NPAT: variants seen among roughly 807,000 people sequenced by gnomAD.
The protein encoded by NPAT is nuclear protein, coactivator of histone transcription, also known as protein NPAT.
NPAT carries 52 observed loss-of-function variants against 130.7 expected under a neutral mutation model. The ratio of observed to expected loss-of-function variants is 0.40; its 90% CI spans 0.32 to 0.50. NPAT has a LOEUF of 0.50. NPAT is among the 20% of genes least tolerant of loss of function. NPAT has a pLI of 0.68. For synonymous variants in NPAT, 580 were observed against 584.8 expected (o/e 0.99, Z 0.12); for missense variants, 1,687 against 1,662.6 (o/e 1.01, Z -0.26).
At chr11:108,177,846 G>A (rs978551449) in intron 10 of NPAT, among the ~76,000 whole-genome samples, 5 of 151,994 alleles carry the variant, frequency 3.3e-5, no homozygotes, top group African/African-American at 1.2e-4. Flanking sequence ...TCAGCCTTCT[G>A]AGTAGCTGAA....
intron 1 of NPAT, among the ~76,000 whole-genome samples, chr11:108,220,248 A>C (rs1447732069): frequency 6.6e-6 from 1 of 152,204 alleles, no homozygotes; most frequent in African/African-American, 2.4e-5. Context: ...GTGAGATGCA[A>C]AAGTCAGAGT....
intron 1 of NPAT, among the ~76,000 whole-genome samples, chr11:108,219,274 A>G (rs993315895): frequency 3.3e-5 from 5 of 152,240 alleles, no homozygotes; most frequent in Middle Eastern, 3.4e-3. Context: ...CTCCCTCATC[A>G]GACAAGTCTT....
At chr11:108,165,467 T>C (rs911415197) in intron 15 of NPAT, among the ~76,000 whole-genome samples, 2 of 103,592 alleles carry the variant, frequency 1.9e-5, no homozygotes, top group Non-Finnish European at 3.8e-5. Context: ...TATATATATA[T>C]ATATATTTTT....
chr11:108,219,506 TAC>T (rs562745478), intron 1 of NPAT, among the ~76,000 whole-genome samples: 315 of 152,324 alleles, frequency 2.1e-3, no homozygotes, highest in African/African-American at 7.0e-3. Flanking sequence ...TGCTGTCTCA[TAC>T]AGAAGGTAAC....
Position 108,222,598 on chromosome 11 carries a change from A to C in NPAT, c.-62T>G. 6.3e-7 allele frequency: 1 copy of C among 1,580,782 alleles called. No individual in the cohort carries two copies. Among genetic ancestry groups the C allele is most frequent in the Non-Finnish European group, 8.7e-7 (1 of 1,152,998 alleles). On this transcript the variant is annotated 5_prime_UTR_variant, in exon 1 of 18. Coordinates refer to ENST00000278612, the MANE Select transcript of NPAT (RefSeq NM_002519.3). ...GACTCAGGTTAAAGCAAACACAGCGACAGCTCCTGCGCCGCATCTCCTGGT... is the reference window on the plus strand; with the variant it reads ...GACTCAGGTTAAAGCAAACACAGCGCCAGCTCCTGCGCCGCATCTCCTGGT...
Position 108,222,602 on chromosome 11 carries a change from C to T in NPAT, c.-66G>A, listed in dbSNP as rs530679889. 4.5e-6 allele frequency: 7 copies of T among 1,568,294 alleles called. No individual in the cohort carries two copies. In the East Asian group the frequency reaches 1.6e-4, roughly 35 times the overall value. On this transcript the variant is annotated 5_prime_UTR_variant, in exon 1 of 18. Coordinates refer to ENST00000278612, the MANE Select transcript of NPAT (RefSeq NM_002519.3). ...CAGGTTAAAGCAAACACAGCGACAG[C>T]TCCTGCGCCGCATCTCCTGGTTCCA...
In NPAT at chr11:108,201,882, C is replaced by A. The variant is rs145397942; in HGVS notation, c.38-4462G>T. Among the ~76,000 whole-genome samples, 59 of 152,272 alleles carry A rather than the reference C, an allele frequency of 3.9e-4. 1 individual carries two copies. Among genetic ancestry groups the A allele is most frequent in the African/African-American group, 1.3e-3 (53 of 41,558 alleles). Reference sequence around the variant, plus strand: ...ACTATGAACAGATAGTAGTGCAAACCTATGCGGTCAGAGAGGACCTTGAAG... The same window carrying A: ...ACTATGAACAGATAGTAGTGCAAACATATGCGGTCAGAGAGGACCTTGAAG... On this transcript the variant is annotated intron_variant, in intron 1 of 17. Transcript: ENST00000278612.
intron 4 of NPAT, 142 bp downstream of exon 4, chr11:108,191,976 C>T: frequency 1.5e-6 from 1 of 683,594 alleles, no homozygotes; most frequent in South Asian, 1.7e-5. Flanking sequence ...CAGTCAGTAA[C>T]CTCCACAGTA....
chr11:108,189,124 A>G lies in NPAT; in HGVS notation c.538T>C (p.Ser180Pro). The part of the protein sequence containing the change: ...SYFVVVNHSQ[S>P]QDTVTTGEAL... The stretch of plus-strand genomic sequence containing the variant: ...AACTTACTGGTTACAGTATCTTGTG[A>G]CTGTGAGTGGTTGACCACTACAAAA... The change falls in exon 6 of 18, where the codon TCA becomes CCA. Residue 180 changes from serine to proline, a missense_variant. Transcript: ENST00000278612. 1 of 1,613,936 alleles carries G rather than the reference A, an allele frequency of 6.2e-7. No homozygotes were observed. Among genetic ancestry groups the G allele is most frequent in the South Asian group, 1.1e-5 (1 of 91,074 alleles).
intron 15 of NPAT, among the ~76,000 whole-genome samples, chr11:108,168,984 G>C (rs1235932800): frequency 6.6e-6 from 1 of 152,102 alleles, no homozygotes; most frequent in Non-Finnish European, 1.5e-5. Context: ...AAGTTTTTAG[G>C]CAGGAAAGCA....
chr11:108,180,899 C>T (rs1028826301), intron 10 of NPAT, among the ~76,000 whole-genome samples: 1 of 152,128 alleles, frequency 6.6e-6, no homozygotes, highest in Non-Finnish European at 1.5e-5. Context: ...CCATGTAGAA[C>T]CTTGAGGATA....
intron 15 of NPAT, among the ~76,000 whole-genome samples, chr11:108,163,822 G>GA (rs11385516): frequency 0.024 from 3,616 of 152,306 alleles, 107 homozygotes; most frequent in African/African-American, 0.075. Context: ...TGACTCTAGT[G>GA]TAGACAGTTT....
chr11:108,163,790 T>C (rs1205491860), intron 15 of NPAT, among the ~76,000 whole-genome samples: 1 of 152,124 alleles, frequency 6.6e-6, no homozygotes, highest in Non-Finnish European at 1.5e-5. Flanking sequence ...CAATGCATAA[T>C]GCAATATTAG....
intron 1 of NPAT, among the ~76,000 whole-genome samples, chr11:108,215,567 A>T (rs1016929566): frequency 1.3e-5 from 2 of 152,238 alleles, no homozygotes; most frequent in African/African-American, 4.8e-5. Context: ...TTCCAACTTT[A>T]TAACGTTCTA....
At position 108,161,728 on chromosome 11, in the gene NPAT, C is replaced by G; in HGVS notation, c.3358G>C (p.Glu1120Gln). The G allele has an allele frequency of 2.5e-6, 4 of 1,613,674 alleles. No individual in the cohort carries two copies. Among genetic ancestry groups the G allele is most frequent in the Non-Finnish European group, 3.4e-6 (4 of 1,179,978 alleles). ...AAAATCTTAGGCAGAGGAGGCTTCT[C>G]TTTCTCTCTTTTGATAGCATTATTA... ...PSNNAIKREK[E>Q]KPPLPKILSK... Residue 1120 changes from glutamate (E) to glutamine (Q), a missense_variant, in exon 17 of 18, where the codon GAG becomes CAG. Around this residue, in one of 3 missense-constraint regions of NPAT, gnomAD observed 1,379 missense variants for 1,346.6 expected, o/e 1.02. Transcript: ENST00000278612.
At chr11:108,189,484 T>A (rs1430829987) in intron 5 of NPAT, 154 bp from the exon 6 acceptor site, 6 of 696,260 alleles carry the variant, frequency 8.6e-6, no homozygotes, top group Non-Finnish European at 1.5e-5. Flanking sequence ...TATGCGACTT[T>A]CAGAAGAAAC....
intron 2 of NPAT, among the ~76,000 whole-genome samples, chr11:108,195,322 A>G (rs2078209632): frequency 1.3e-5 from 2 of 152,244 alleles, no homozygotes; most frequent in South Asian, 4.1e-4. Flanking sequence ...AAGAAACAAG[A>G]GTTCCTGCTG....
intron 1 of NPAT, chr11:108,208,612 G>T: frequency 3.0e-6 from 1 of 335,410 alleles, no homozygotes. Flanking sequence ...GAGAGAGAGA[G>T]AAATAACACT....
chr11:108,185,582 C>T (rs918265992), intron 8 of NPAT, 88 bp from the exon 9 acceptor site: 3 of 907,708 alleles, frequency 3.3e-6, no homozygotes, highest in Non-Finnish European at 5.3e-6. Context: ...CCGATAAGAG[C>T]TGGATAGTTT....
Sources: gnomAD v4.1 joint callset for allele counts (sites outside exome capture counted in the v4.1 genomes callset) on GRCh38, gnomAD v4.1.1 for gene constraint, gnomAD v4.1.1 regional missense constraint, MANE v1.5 for transcripts, NCBI Gene and HGNC (gene_info 2026-07-23, HGNC 2026-07-21) for gene names.